Variants in NFASC observed in about 807,000 individuals in gnomAD.
The protein encoded by NFASC is neurofascin.
A neutral mutation model predicts 147.5 loss-of-function variants in NFASC; 43 were observed. The ratio of observed to expected loss-of-function variants is 0.29; its 90% CI spans 0.23 to 0.38. NFASC has a LOEUF of 0.38. Ranked by LOEUF, NFASC falls within the 10% of genes least tolerant of loss-of-function variation. The pLI, the probability that NFASC is intolerant of heterozygous loss-of-function variation, is 1.00. For missense variants in NFASC, 1,320 were observed against 1,689.0 expected (o/e 0.78, Z 3.83); for synonymous variants, 622 against 665.5 (o/e 0.93, Z 1.01).
Position 205,001,175 on chromosome 1 carries a change from G to A in NFASC, c.3025G>A (p.Asp1009Asn), listed in dbSNP as rs763737431. The stretch of plus-strand genomic sequence containing the variant: ...TTTTCTAACCCGTCCACCAGCCCCT[G>A]ATGAGCAGTCCATATGGAACGTCAC... The part of the protein sequence containing the change: ...SGTKIHESAP[D>N]EQSIWNVTVL... Residue 1009 changes from aspartate to asparagine, a missense_variant, in exon 26 of 30, where the codon GAT becomes AAT. Physicochemically the swap from Asp to Asn is conservative, Grantham distance 23. Transcript: ENST00000339876. 3.6e-5 allele frequency: 58 copies of A among 1,604,428 alleles called. No individual in the cohort carries two copies. Among genetic ancestry groups the A allele is most frequent in the Non-Finnish European group, 4.9e-5 (57 of 1,173,944 alleles).
At position 204,988,855 on chromosome 1, in the gene NFASC, G is replaced by A. The variant is rs140975404; in HGVS notation, c.2767+49G>A. On this transcript the variant is annotated intron_variant, in intron 23 of 29. Coordinates refer to ENST00000339876, the MANE Select transcript of NFASC (RefSeq NM_001005388.3). ...GGGGTAAAAGGTCCCAGCTAATTCC[G>A]AGGCCTAGAGAAACACTGAGATCTG... is the stretch of plus-strand genomic sequence containing the variant. 5.3e-5 allele frequency: 82 copies of A among 1,558,516 alleles called. 2 individuals carry two copies. The highest frequency in any genetic ancestry group is 4.7e-4 in the South Asian group (42 of 89,840).
At chr1:204,943,906 G>T (rs1004598860) in intron 2 of NFASC, among the ~76,000 whole-genome samples, 1 of 152,184 alleles carries the variant, frequency 6.6e-6, no homozygotes, top group Non-Finnish European at 1.5e-5. Flanking sequence ...TTTCAGCTGG[G>T]AGTTTTGCCC....
intron 23 of NFASC, chr1:204,990,146 C>T (rs1183106657): frequency 6.6e-6 from 1 of 152,346 alleles, no homozygotes; most frequent in African/African-American, 2.4e-5. Flanking sequence ...GGCTGACAGC[C>T]CGCTCTGCAT....
chr1:204,873,338 G>A (rs2078091988), intron 1 of NFASC, among the ~76,000 whole-genome samples: 2 of 152,176 alleles, frequency 1.3e-5, no homozygotes, highest in East Asian at 3.8e-4. Flanking sequence ...TAAGAACAGG[G>A]AGCAACCAGC....
intron 24 of NFASC, among the ~76,000 whole-genome samples, chr1:204,992,349 A>G (rs1023482818): frequency 6.6e-6 from 1 of 152,078 alleles, no homozygotes; most frequent in Non-Finnish European, 1.5e-5. Context: ...CACCTTGCCC[A>G]ATTCGATTTC....
chr1:205,013,896 C>A (rs1020544166), intron 29 of NFASC, among the ~76,000 whole-genome samples: 7 of 152,240 alleles, frequency 4.6e-5, no homozygotes, highest in Non-Finnish European at 7.3e-5. Context: ...CCACTGCCCA[C>A]ACAGGAGCCT....
rs570580971 is a variant in NFASC, at chr1:204,894,328, C to CTGGGGAAGAAGA, written c.-199-26299_-199-26288dup. 7.6e-4 allele frequency among the ~76,000 whole-genome samples: 116 copies of CTGGGGAAGAAGA among 152,314 alleles called. 1 individual carries two copies. Among genetic ancestry groups the CTGGGGAAGAAGA allele is most frequent in the South Asian group, 4.8e-3 (23 of 4,828 alleles). On this transcript the variant is annotated intron_variant, in intron 1 of 29. Transcript: ENST00000339876. ...CCAAATCATGTCTTATCCCTTGGAG[C>CTGGGGAAGAAGA]TGGGGAAGAAGATGGGAATGGCTGT...
intron 1 of NFASC, among the ~76,000 whole-genome samples, chr1:204,892,127 A>G (rs1449572178): frequency 6.6e-6 from 1 of 152,238 alleles, no homozygotes; most frequent in African/African-American, 2.4e-5. Context: ...GTTGGTAAAA[A>G]GGAAATATAT....
intron 7 of NFASC, among the ~76,000 whole-genome samples, chr1:204,957,156 A>C (rs560140190): frequency 6.6e-6 from 1 of 152,364 alleles, no homozygotes; most frequent in East Asian, 1.9e-4. Flanking sequence ...AGCAAAGCCA[A>C]GTTCAATTTC....
At chr1:204,960,968 G>T (rs1365798260) in intron 8 of NFASC, among the ~76,000 whole-genome samples, 3 of 152,214 alleles carry the variant, frequency 2.0e-5, no homozygotes, top group Non-Finnish European at 1.5e-5. Flanking sequence ...GTTGTAATGG[G>T]ATTGGATCTG....
At chr1:204,984,249 A>G in intron 21 of NFASC, 2 of 739,574 alleles carry the variant, frequency 2.7e-6, no homozygotes, top group South Asian at 1.6e-5. Context: ...AGCGTTGTTT[A>G]TTGAATCCAG....
chr1:204,901,918 G>A (rs542895394), intron 1 of NFASC, among the ~76,000 whole-genome samples: 160 of 152,294 alleles, frequency 1.1e-3, no homozygotes, highest in Admixed American at 3.3e-3. Flanking sequence ...GCGTGAGGGG[G>A]CGGCACCTGT....
chr1:204,836,171 T>C (rs1571859540), intron 1 of NFASC, among the ~76,000 whole-genome samples: 1 of 152,128 alleles, frequency 6.6e-6, no homozygotes, highest in East Asian at 1.9e-4. Context: ...TGTGTGCGTG[T>C]GTGTGTGTGT....
chr1:204,854,131 G>C (rs1284579619), intron 1 of NFASC, among the ~76,000 whole-genome samples: 1 of 150,432 alleles, frequency 6.6e-6, no homozygotes, highest in Non-Finnish European at 1.5e-5. Context: ...TAGACTCTCA[G>C]CAAGAGCCAA....
chr1:204,976,981 G>A, intron 16 of NFASC, 186 bp downstream of exon 16: 1 of 1,370,816 alleles, frequency 7.3e-7, no homozygotes, highest in Non-Finnish European at 9.4e-7. Flanking sequence ...AAGCTGTGCT[G>A]GACAGGTTAC....
Position 204,986,053 on chromosome 1 carries a change from G to C in NFASC, c.2471-1365G>C, listed in dbSNP as rs2095608854. 6.2e-7 allele frequency: 1 copy of C among 1,614,144 alleles called. No homozygotes were observed. The highest frequency in any genetic ancestry group is 1.3e-5 in the African/African-American group (1 of 75,048). ...GTAACTACAAGCTGGAGATGGTTGT[G>C]GTCAATGGGAGAGGTGATGGGCCTC... On this transcript the variant is annotated intron_variant, in intron 21 of 29. Coordinates refer to ENST00000339876, the MANE Select transcript of NFASC (RefSeq NM_001005388.3). The surrounding 1 kb of genome is among the most constrained non-coding windows in gnomAD (Gnocchi z 4.2).
intron 1 of NFASC, among the ~76,000 whole-genome samples, chr1:204,880,086 C>G (rs201715852): frequency 6.6e-6 from 1 of 152,114 alleles, no homozygotes; most frequent in East Asian, 1.9e-4. Context: ...ATCTCAGTAG[C>G]AGGGGGAGTG....
chr1:204,891,011 C>T (rs1363766403), intron 1 of NFASC, among the ~76,000 whole-genome samples: 1 of 152,194 alleles, frequency 6.6e-6, no homozygotes, highest in Non-Finnish European at 1.5e-5. Flanking sequence ...GGTATTACTT[C>T]AATTCAGGGC....
intron 2 of NFASC, among the ~76,000 whole-genome samples, chr1:204,938,397 T>A (rs958808148): frequency 6.6e-6 from 1 of 152,264 alleles, no homozygotes; most frequent in Non-Finnish European, 1.5e-5. Context: ...CTGTGCCCCA[T>A]GCTTTACCAA....
Sources: allele counts gnomAD v4.1 joint callset (sites outside exome capture counted in the v4.1 genomes callset), GRCh38; gene constraint gnomAD v4.1.1; non-coding constraint Gnocchi (gnomAD v3.1); transcripts MANE v1.5; gene names NCBI Gene and HGNC (gene_info 2026-07-23, HGNC 2026-07-21).